The following R3HCC1L variants were observed in gnomAD, a reference collection of about 807,000 sequenced individuals.
The protein encoded by R3HCC1L is R3H domain and coiled-coil containing 1 like, also known as coiled-coil domain-containing protein R3HCC1L.
In R3HCC1L, 51 loss-of-function variants were observed where a neutral mutation model predicts 59.9. The observed-to-expected ratio is 0.85, with a 90% CI of 0.68 to 1.07. R3HCC1L has a LOEUF of 1.07. Among genes scored for constraint, R3HCC1L ranks in the 50% least tolerant of loss-of-function variants. The pLI is 0.00. For missense variants in R3HCC1L, 965 were observed against 933.0 expected (o/e 1.03, Z -0.45); for synonymous variants, 322 against 315.2 (o/e 1.02, Z -0.23).
chr10:98,228,855 T>G (rs998178413), intron 5 of R3HCC1L, among the ~76,000 whole-genome samples: 58 of 152,330 alleles, frequency 3.8e-4, no homozygotes, highest in South Asian at 2.1e-3. Context: ...TTTCCCCATT[T>G]CTTGTTTTTG....
chr10:98,175,403 C>G lies in R3HCC1L; in HGVS notation c.-15+12006C>G, dbSNP rs74153518. ...GACAAACATGCAGTTGTGTAACTCCCACACAATTAAAATGCAGAGAGAGCA... is the reference window on the plus strand; with the variant it reads ...GACAAACATGCAGTTGTGTAACTCCGACACAATTAAAATGCAGAGAGAGCA... On this transcript the variant is annotated intron_variant, in intron 4 of 9. Transcript: ENST00000298999. Among the ~76,000 whole-genome samples the G allele has an allele frequency of 6.8e-3, 1,034 of 152,190 alleles. 19 individuals carry two copies. Among genetic ancestry groups the G allele is most frequent in the African/African-American group, 0.024 (992 of 41,526 alleles).
At chr10:98,151,102 C>G (rs1030470811) in intron 1 of R3HCC1L, among the ~76,000 whole-genome samples, 2 of 152,160 alleles carry the variant, frequency 1.3e-5, no homozygotes, top group Admixed American at 6.5e-5. Flanking sequence ...CTGTCTCCTC[C>G]TCATTTTTGA....
At chr10:98,163,530 C>A in intron 4 of R3HCC1L, 133 bp downstream of exon 4, 1 of 505,692 alleles carries the variant, frequency 2.0e-6, no homozygotes, top group Non-Finnish European at 3.3e-6. Flanking sequence ...TTGAAAATGG[C>A]AGTTTCCTGA....
chr10:98,231,251 G>C (rs1355406255), intron 5 of R3HCC1L, among the ~76,000 whole-genome samples: 1 of 152,152 alleles, frequency 6.6e-6, no homozygotes, highest in Non-Finnish European at 1.5e-5. Context: ...GTGCTGGTTA[G>C]AGATGCAAGT....
chr10:98,244,065 G>A (rs769655435), intron 9 of R3HCC1L, 26 bp from the exon 10 acceptor site: 39 of 1,607,648 alleles, frequency 2.4e-5, no homozygotes, highest in Non-Finnish European at 3.2e-5. Context: ...GTAGACAACT[G>A]TGGTTAATAC....
rs75392302 is a variant in R3HCC1L at position 98,176,018 on chromosome 10, T to A, written c.-15+12621T>A. On this transcript the variant is annotated intron_variant, in intron 4 of 9. Coordinates refer to ENST00000298999, the MANE Select transcript of R3HCC1L (RefSeq NM_001351015.2). ...TGAATTTCCACTTGTTTCGGCACCA[T>A]TTTTTGGAAAGACTCTCTTTTTTCA... is the stretch of plus-strand genomic sequence containing the variant. Among the ~76,000 whole-genome samples the A allele has an allele frequency of 1.2e-3, 183 of 152,256 alleles. 1 individual carries two copies. The highest frequency in any genetic ancestry group is 4.2e-3 in the African/African-American group (174 of 41,566).
intron 4 of R3HCC1L, among the ~76,000 whole-genome samples, chr10:98,184,396 CA>C (rs1198218570): frequency 6.6e-6 from 1 of 152,080 alleles, no homozygotes; most frequent in Non-Finnish European, 1.5e-5. Context: ...TTTAGATAAA[CA>C]AAATACTTAC....
chr10:98,193,513 A>G (rs4919182), intron 4 of R3HCC1L, among the ~76,000 whole-genome samples: 77,105 of 152,006 alleles, frequency 0.51, 19,901 homozygotes, highest in Non-Finnish European at 0.56. Context: ...ATTTACAGTA[A>G]CATCACAAAG....
At chr10:98,195,445 CTT>C (rs769750323) in intron 4 of R3HCC1L, among the ~76,000 whole-genome samples, 54 of 140,824 alleles carry the variant, frequency 3.8e-4, no homozygotes, top group Admixed American at 3.6e-4. Flanking sequence ...AATTTATGTT[CTT>C]TTTTTTTTTT....
chr10:98,140,977 C>T (rs1845078114), intron 1 of R3HCC1L, among the ~76,000 whole-genome samples: 2 of 151,748 alleles, frequency 1.3e-5, no homozygotes, highest in South Asian at 4.1e-4. Context: ...CTCATAATCT[C>T]ACAATCTAAA....
chr10:98,183,780 T>C (rs1260225104), intron 4 of R3HCC1L, among the ~76,000 whole-genome samples: 1 of 152,202 alleles, frequency 6.6e-6, no homozygotes, highest in Non-Finnish European at 1.5e-5. Flanking sequence ...GCATTTCCGT[T>C]TGATTTCTTC....
chr10:98,222,930 AAAATCTAGAAG>A (rs1855209718), intron 5 of R3HCC1L, among the ~76,000 whole-genome samples: 1 of 152,258 alleles, frequency 6.6e-6, no homozygotes. Flanking sequence ...AATAAACTGG[AAAATCTAGAAG>A]AAATGGATAA....
At chr10:98,190,400 C>T (rs1368246828) in intron 4 of R3HCC1L, among the ~76,000 whole-genome samples, 1 of 152,022 alleles carries the variant, frequency 6.6e-6, no homozygotes, top group African/African-American at 2.4e-5. Context: ...CATGTTTTCT[C>T]TTTTACCTTG....
intron 1 of R3HCC1L, among the ~76,000 whole-genome samples, chr10:98,137,277 T>C (rs1844696523): frequency 6.6e-6 from 1 of 152,200 alleles, no homozygotes; most frequent in African/African-American, 2.4e-5. Flanking sequence ...CAACCTGTAG[T>C]TTTTGATTTT....
chr10:98,198,106 T>C (rs1460572472), intron 4 of R3HCC1L, among the ~76,000 whole-genome samples: 2 of 152,066 alleles, frequency 1.3e-5, no homozygotes, highest in Non-Finnish European at 2.9e-5. Flanking sequence ...ATATCAGGGA[T>C]AGTGACTTCC....
intron 9 of R3HCC1L, among the ~76,000 whole-genome samples, chr10:98,239,966 G>T (rs1270986990): frequency 6.6e-6 from 1 of 152,138 alleles, no homozygotes; most frequent in Non-Finnish European, 1.5e-5. Context: ...AAGTGCTGGA[G>T]TTACAGACCT....
intron 5 of R3HCC1L, among the ~76,000 whole-genome samples, chr10:98,224,837 T>C (rs1400465866): frequency 6.6e-6 from 1 of 152,202 alleles, no homozygotes; most frequent in East Asian, 1.9e-4. Context: ...ATTGACTTTA[T>C]AGGAGGGATT....
intron 4 of R3HCC1L, among the ~76,000 whole-genome samples, chr10:98,180,560 C>G (rs1274805830): frequency 6.6e-6 from 1 of 152,112 alleles, no homozygotes; most frequent in African/African-American, 2.4e-5. Context: ...GTGGAAAGTT[C>G]TGTAGATGTC....
At chr10:98,233,397 T>C (rs184552575) in intron 6 of R3HCC1L, among the ~76,000 whole-genome samples, 3 of 152,320 alleles carry the variant, frequency 2.0e-5, no homozygotes, top group Admixed American at 6.5e-5. Context: ...AATGAAAATA[T>C]TAATATTGAT....
Sources: allele counts gnomAD v4.1 joint callset (sites outside exome capture counted in the v4.1 genomes callset), GRCh38; gene constraint gnomAD v4.1.1; transcripts MANE v1.5; gene names NCBI Gene and HGNC (gene_info 2026-07-23, HGNC 2026-07-21).